The following PIR variants were observed in gnomAD, a reference collection of about 807,000 sequenced individuals.
The protein encoded by PIR is pirin, also known as pirin (iron-binding nuclear protein).
In PIR, 22 loss-of-function variants were observed where a neutral mutation model predicts 24.2. The observed-to-expected ratio is 0.91, with a 90% CI of 0.65 to 1.30. PIR has a LOEUF of 1.30. Ranked by LOEUF, PIR falls within the 50% of genes most tolerant of loss-of-function variation. The probability of loss-of-function intolerance (pLI) is 0.00; values close to 1 mark genes in which losing one functional copy is unlikely to be tolerated. For synonymous variants in PIR, 80 were observed against 79.6 expected (o/e 1.00, Z -0.03); for missense variants, 220 against 220.3 (o/e 1.00, Z 0.01).
chrX:15,434,336 C>T (rs116261994), intron 5 of PIR, among the ~76,000 whole-genome samples: 1,082 of 75,587 alleles, frequency 0.014, 18 homozygotes, highest in African/African-American at 0.054. Context: ...GAAGGAGGAA[C>T]GAGAAAAAGG....
intron 7 of PIR, among the ~76,000 whole-genome samples, chrX:15,405,380 T>C (rs1924522120): frequency 8.9e-6 from 1 of 112,516 alleles, no homozygotes; most frequent in Non-Finnish European, 1.9e-5. Context: ...AATTTGTTTA[T>C]GTATCATCTG....
chrX:15,391,966 A>G (rs1923973132), intron 8 of PIR, among the ~76,000 whole-genome samples: 2 of 111,124 alleles, frequency 1.8e-5, no homozygotes, highest in Non-Finnish European at 3.8e-5. Flanking sequence ...CTGCTTTCCT[A>G]TCTTCATTTC....
In PIR at chrX:15,425,893, G is replaced by T. The variant is rs762223686; in HGVS notation, c.565+13C>A. The T allele has an allele frequency of 6.2e-5, 64 of 1,034,771 alleles. No homozygotes were observed. The East Asian group carries it at 1.8e-3, about 29-fold the overall frequency. 85.3% of individuals were successfully genotyped at this position (1,034,771 alleles called of 1,213,427 possible). ...TTCCTGACGTGACTACTAAACCCCA[G>T]AACCCATCATACCTTTAGGGATAGG... On this transcript the variant is annotated intron_variant, in intron 6 of 9. Coordinates refer to ENST00000380420, the MANE Select transcript of PIR (RefSeq NM_001018109.3).
intron 5 of PIR, among the ~76,000 whole-genome samples, chrX:15,437,370 C>T (rs937178167): frequency 8.9e-6 from 1 of 111,941 alleles, no homozygotes; most frequent in African/African-American, 3.2e-5. Flanking sequence ...ATTCTAGATT[C>T]GTGTTGCCCT....
chrX:15,466,630 G>A (rs2147067869), intron 3 of PIR, among the ~76,000 whole-genome samples: 1 of 112,244 alleles, frequency 8.9e-6, no homozygotes, highest in African/African-American at 3.2e-5. Flanking sequence ...AGAGTGGTAA[G>A]GACTAAGTGA....
intron 3 of PIR, among the ~76,000 whole-genome samples, chrX:15,460,215 C>T (rs987499555): frequency 1.8e-5 from 2 of 111,304 alleles, no homozygotes; most frequent in Admixed American, 1.9e-4. Context: ...AATAGAACTC[C>T]TATACAACAC....
intron 3 of PIR, among the ~76,000 whole-genome samples, chrX:15,463,253 A>T (rs1921390787): frequency 1.8e-5 from 2 of 111,897 alleles, no homozygotes; most frequent in Admixed American, 9.5e-5. Flanking sequence ...TCAGAAATAA[A>T]GGTATTTTTG....
chrX:15,435,653 T>C (rs747575524), intron 5 of PIR, among the ~76,000 whole-genome samples: 1 of 111,782 alleles, frequency 8.9e-6, no homozygotes, highest in Non-Finnish European at 1.9e-5. Flanking sequence ...TCGTGATCTG[T>C]TGGGCTTTGC....
Position 15,421,460 on chromosome X carries a change from A to C in PIR, c.565+4446T>G, listed in dbSNP as rs140676638. ...TAAAATCAGAAATGAAAAAGAAGAC[A>C]CAATAACTGAGACCATAGAAATACA... On this transcript the variant is annotated intron_variant, in intron 6 of 9. Coordinates refer to ENST00000380420, the MANE Select transcript of PIR (RefSeq NM_001018109.3). Among the ~76,000 whole-genome samples the C allele has an allele frequency of 5.9e-3, 654 of 111,276 alleles. 4 individuals are homozygous for C. Among genetic ancestry groups the C allele is most frequent in the Non-Finnish European group, 8.8e-3 (466 of 53,010 alleles).
intron 5 of PIR, among the ~76,000 whole-genome samples, chrX:15,442,418 A>G (rs1448155075): frequency 9.0e-6 from 1 of 111,181 alleles, no homozygotes; most frequent in East Asian, 2.8e-4. Context: ...AATGAGACCA[A>G]TTAACAACCC....
intron 6 of PIR, among the ~76,000 whole-genome samples, chrX:15,418,208 A>G (rs1247545896): frequency 9.0e-6 from 1 of 111,653 alleles, no homozygotes; most frequent in African/African-American, 3.3e-5. Context: ...GTGCTGTAAA[A>G]GGAAATGAGG....
chrX:15,404,931 C>T (rs1924508017), intron 7 of PIR, among the ~76,000 whole-genome samples: 1 of 111,548 alleles, frequency 9.0e-6, no homozygotes, highest in Admixed American at 9.5e-5. Context: ...TCCAAGGCTA[C>T]AGACCCATCC....
chrX:15,390,687 A>C (rs1356285149), intron 8 of PIR, among the ~76,000 whole-genome samples: 1 of 111,430 alleles, frequency 9.0e-6, no homozygotes, highest in African/African-American at 3.3e-5. Flanking sequence ...TATGCCCCGG[A>C]AATATTGCAC....
intron 4 of PIR, among the ~76,000 whole-genome samples, chrX:15,457,458 A>G (rs1921128883): frequency 8.9e-6 from 1 of 112,120 alleles, no homozygotes; most frequent in Non-Finnish European, 1.9e-5. Flanking sequence ...AATGTCATGC[A>G]TATCATTATT....
intron 6 of PIR, among the ~76,000 whole-genome samples, chrX:15,416,970 C>T (rs1306750437): frequency 1.8e-5 from 2 of 111,760 alleles, no homozygotes; most frequent in Non-Finnish European, 3.8e-5. Flanking sequence ...TCTAGCTCTG[C>T]CACCCAGGCT....
intron 6 of PIR, among the ~76,000 whole-genome samples, chrX:15,421,988 C>T (rs1569198878): frequency 8.9e-6 from 1 of 111,748 alleles, no homozygotes; most frequent in Non-Finnish European, 1.9e-5. Flanking sequence ...GATGTTTCAA[C>T]ATTCAACATA....
intron 5 of PIR, among the ~76,000 whole-genome samples, chrX:15,445,035 C>T (rs1484804331): frequency 9.0e-6 from 1 of 110,922 alleles, no homozygotes; most frequent in East Asian, 2.8e-4. Flanking sequence ...TTTTCACTGC[C>T]CAGCTCTCCC....
Position 15,452,078 on chromosome X carries a change from C to T in PIR, c.480+3770G>A, listed in dbSNP as rs983674043. 5.4e-5 allele frequency among the ~76,000 whole-genome samples: 6 copies of T among 111,942 alleles called. No homozygotes were observed. The Admixed American group carries it at 5.7e-4, about 11-fold the overall frequency. ...TGAGCTGGCCTTGAACCAAGGCCAT[C>T]TGGCTCCAGATTGCCTTTCTCTAAC... On this transcript the variant is annotated intron_variant, in intron 5 of 9. Transcript: ENST00000380420.
chrX:15,395,175 G>A (rs1924087586), intron 8 of PIR, among the ~76,000 whole-genome samples: 1 of 111,493 alleles, frequency 9.0e-6, no homozygotes, highest in African/African-American at 3.3e-5. Flanking sequence ...AGTGAGTCAG[G>A]GTCTCTTGGA....
Sources: gnomAD v4.1 joint callset for allele counts (sites outside exome capture counted in the v4.1 genomes callset) on GRCh38, gnomAD v4.1.1 for gene constraint, MANE v1.5 for transcripts, NCBI Gene and HGNC (gene_info 2026-07-23, HGNC 2026-07-21) for gene names.